ADAM8: variants seen among roughly 807,000 people sequenced by gnomAD.
ADAM8 encodes the protein ADAM metallopeptidase domain 8.
Under a neutral mutation model 102.4 loss-of-function variants are expected in ADAM8, and 104 were observed. The observed-to-expected ratio is 1.02, with a 90% CI of 0.87 to 1.20. The LOEUF is 1.20. ADAM8 is among the 50% of genes most tolerant of loss of function. The pLI is 0.00. For missense variants in ADAM8, 1,132 were observed against 1,159.0 expected (o/e 0.98, Z 0.34); for synonymous variants, 517 against 485.2 (o/e 1.07, Z -0.86).
chr10:133,274,905 T>C (rs530086719), intron 2 of ADAM8: 38 of 433,238 alleles, frequency 8.8e-5, no homozygotes, highest in African/African-American at 6.1e-4. Flanking sequence ...TGCCACCGGC[T>C]GGATGAGCCC....
At position 133,270,820 on chromosome 10, in the gene ADAM8, G is replaced by A; in HGVS notation, c.1565-15C>T. On this transcript the variant is annotated splice_polypyrimidine_tract_variant and intron_variant, in intron 14 of 22. Transcript: ENST00000445355. Reference sequence around the variant, plus strand: ...AGCCTGCCCACCTGTGGGACCAGAAGCGGGTTAGCCCTGGCAAGGCCTGCA... The same window carrying A: ...AGCCTGCCCACCTGTGGGACCAGAAACGGGTTAGCCCTGGCAAGGCCTGCA... The A allele has an allele frequency of 6.2e-7, 1 of 1,611,788 alleles. No individual in the cohort carries two copies. The highest frequency in any genetic ancestry group is 8.5e-7 in the Non-Finnish European group (1 of 1,179,416).
intron 2 of ADAM8, 108 bp from the exon 3 acceptor site, chr10:133,274,343 A>T: frequency 1.2e-6 from 1 of 861,436 alleles, no homozygotes; most frequent in Non-Finnish European, 1.6e-6. Flanking sequence ...GCCGGCCTCC[A>T]GCCCCAGGTC....
At chr10:133,267,238 A>G in intron 21 of ADAM8, 114 bp downstream of exon 21, 1 of 1,214,276 alleles carries the variant, frequency 8.2e-7, no homozygotes. Context: ...CCTTCTGTGT[A>G]CAGCAGGGGC....
intron 20 of ADAM8, 96 bp downstream of exon 20, chr10:133,267,833 G>T: frequency 8.6e-7 from 1 of 1,160,596 alleles, no homozygotes; most frequent in Non-Finnish European, 1.1e-6. Context: ...TGAATTTAAT[G>T]AAAGGGCTCT....
rs576260903 is a variant in ADAM8 at position 133,263,170 on chromosome 10, G to T, written c.2461C>A (p.Pro821Thr). 1 of 1,613,946 alleles carries T rather than the reference G, an allele frequency of 6.2e-7. No homozygotes were observed. The highest frequency in any genetic ancestry group is 8.5e-7 in the Non-Finnish European group (1 of 1,179,846). Residue 821 changes from proline to threonine, a missense_variant, in exon 23 of 23, where the codon CCC becomes ACC. Physicochemically the swap from Pro to Thr is conservative, Grantham distance 38. Coordinates refer to ENST00000445355, the MANE Select transcript of ADAM8 (RefSeq NM_001109.5). ...PIQRKQGAGAPTAP is the reference protein window; with the variant it reads ...PIQRKQGAGATTAP ...CAGGTGCCCCCCTAGGGTGCTGTGGGAGCTCCGGCTCCTTGCTTCCTCTGG... is the reference window on the plus strand; with the variant it reads ...CAGGTGCCCCCCTAGGGTGCTGTGGTAGCTCCGGCTCCTTGCTTCCTCTGG...
intron 19 of ADAM8, 110 bp downstream of exon 19, chr10:133,268,638 G>C: frequency 8.1e-7 from 1 of 1,227,018 alleles, no homozygotes; most frequent in Non-Finnish European, 1.1e-6. Context: ...GCACAGAGGA[G>C]CCTGGGTGTC....
At position 133,273,772 on chromosome 10, in the gene ADAM8, C is replaced by T. The variant is rs1846638206; in HGVS notation, c.373G>A (p.Ala125Thr). ...GTCCGCCACACCCACCTGAGGCCGG[C>T]ACAGGTGCTGAGGCTGGCGGCTGAG... The part of the protein sequence containing the change: ...PDSAASLSTC[A>T]GLRGFFQVGS... The change falls in exon 5 of 23, where the codon GCC (alanine) becomes ACC (threonine). Residue 125 changes from alanine to threonine, a missense_variant. Physicochemically the swap from Ala to Thr is moderately conservative, Grantham distance 58. Coordinates refer to ENST00000445355, the MANE Select transcript of ADAM8 (RefSeq NM_001109.5). The T allele has an allele frequency of 4.5e-6, 7 of 1,548,744 alleles. No homozygotes were observed. Among genetic ancestry groups the T allele is most frequent in the Non-Finnish European group, 6.1e-6 (7 of 1,146,820 alleles).
chr10:133,272,145 A>C, intron 10 of ADAM8, 48 bp downstream of exon 10: 1 of 1,536,424 alleles, frequency 6.5e-7, no homozygotes, highest in East Asian at 2.5e-5. Context: ...CCCCTCCCCT[A>C]TCCAGCTCTG....
chr10:133,263,194 G>T lies in ADAM8; in HGVS notation c.2437C>A (p.Gln813Lys). The T allele has an allele frequency of 6.2e-7, 1 of 1,613,398 alleles. No individual in the cohort carries two copies. Among genetic ancestry groups the T allele is most frequent in the Non-Finnish European group, 8.5e-7 (1 of 1,179,488 alleles). ...GGAGCTCCGGCTCCTTGCTTCCTCTGGATGGGGGGCTTCAGGGCAACCTTT... is the reference window on the plus strand; with the variant it reads ...GGAGCTCCGGCTCCTTGCTTCCTCTTGATGGGGGGCTTCAGGGCAACCTTT... ...GPKVALKPPI[Q>K]RKQGAGAPTA... The change falls in exon 23 of 23, where the codon CAG becomes AAG. Residue 813 changes from glutamine (Q) to lysine (K), a missense_variant. Coordinates refer to ENST00000445355, the MANE Select transcript of ADAM8 (RefSeq NM_001109.5).
At chr10:133,268,207 A>C in intron 19 of ADAM8, 89 bp from the exon 20 acceptor site, 1 of 1,147,854 alleles carries the variant, frequency 8.7e-7, no homozygotes, top group Non-Finnish European at 1.1e-6. Flanking sequence ...GCTCCAGCCG[A>C]CCCGAGAGGC....
rs374238350 is a variant in ADAM8, at chr10:133,270,402, C to T, written c.1743G>A (p.Ala581=). 1.2e-5 allele frequency: 19 copies of T among 1,598,508 alleles called. No individual in the cohort carries two copies. The East Asian group carries it at 2.0e-4, about 17-fold the overall frequency. ...GGGTGCCCTCGGGCACTGGTTCATA[C>T]GCAGTGCCATCCTCTGTGGTGAGCG... ...CHALTTEDGT[A]YEPVPEGTRC... is the part of the protein sequence containing the mutation. Residue 581 remains alanine, a synonymous_variant, in exon 16 of 23, where the codon GCG becomes GCA. Coordinates refer to ENST00000445355, the MANE Select transcript of ADAM8 (RefSeq NM_001109.5).
In ADAM8 at chr10:133,273,942, G is replaced by C. The variant is rs537427665; in HGVS notation, c.306+9C>G. ...ACCTGCCCGCCCAGCTGCTCCGCCC[G>C]ACCCATACCTGCCCGCGAGGCTGCT... On this transcript the variant is annotated intron_variant, in intron 4 of 22. Coordinates refer to ENST00000445355, the MANE Select transcript of ADAM8 (RefSeq NM_001109.5). 2 of 1,592,320 alleles carry C rather than the reference G, an allele frequency of 1.3e-6. No individual in the cohort carries two copies. The highest frequency in any genetic ancestry group is 1.7e-4 in the Middle Eastern group (1 of 5,980).
intron 18 of ADAM8, 125 bp downstream of exon 18, chr10:133,269,320 C>T: frequency 1.6e-6 from 2 of 1,262,962 alleles, no homozygotes; most frequent in Non-Finnish European, 2.1e-6. Context: ...TGTGTCGATG[C>T]CTGTGGCAGC....
chr10:133,269,186 C>G, intron 18 of ADAM8: 1 of 985,394 alleles, frequency 1.0e-6, no homozygotes, highest in Non-Finnish European at 1.2e-6. Flanking sequence ...CTGGAAGACA[C>G]AGGCTGAGGA....
Position 133,263,178 on chromosome 10 carries a change from G to A in ADAM8, c.2453C>T (p.Ala818Val). 1 of 1,613,834 alleles carries A rather than the reference G, an allele frequency of 6.2e-7. No individual in the cohort carries two copies. The highest frequency in any genetic ancestry group is 1.1e-5 in the South Asian group (1 of 91,062). The change falls in exon 23 of 23, where the codon GCC (alanine) becomes GTC (valine). Residue 818 changes from alanine to valine, a missense_variant. By Grantham distance (64) the Ala-to-Val change is moderately conservative. Coordinates refer to ENST00000445355, the MANE Select transcript of ADAM8 (RefSeq NM_001109.5). Reference sequence around the variant, plus strand: ...CCCCTAGGGTGCTGTGGGAGCTCCGGCTCCTTGCTTCCTCTGGATGGGGGG... The same window carrying A: ...CCCCTAGGGTGCTGTGGGAGCTCCGACTCCTTGCTTCCTCTGGATGGGGGG... ...LKPPIQRKQG[A>V]GAPTAP
Position 133,269,450 on chromosome 10 carries a change from T to A in ADAM8, c.1943A>T (p.His648Leu), listed in dbSNP as rs769854550. Residue 648 changes from histidine (H) to leucine (L), a missense_variant, in exon 18 of 23, where the codon CAC (histidine) becomes CTC (leucine). Physicochemically the swap from His to Leu is moderately conservative, Grantham distance 99. Coordinates refer to ENST00000445355, the MANE Select transcript of ADAM8 (RefSeq NM_001109.5). Reference protein sequence around the residue: ...PHCAKLLTEVHAASGSLPVFV... With the variant: ...PHCAKLLTEVLAASGSLPVFV... The stretch of plus-strand genomic sequence containing the variant: ...CGCTGGCCAGGGAGGCCTACCTGCG[T>A]GCACCTCAGTCAGCAGCTTCGCGCA... 15 of 1,593,750 alleles carry A rather than the reference T, an allele frequency of 9.4e-6. No homozygotes were observed. In the African/African-American group the frequency reaches 1.9e-4, roughly 20 times the overall value.
In ADAM8 at chr10:133,272,050, G is replaced by A. The variant is rs112848655; in HGVS notation, c.958-96C>T. 151 of 1,550,886 alleles carry A rather than the reference G, an allele frequency of 9.7e-5. 3 individuals carry two copies. In the African/African-American group the frequency reaches 1.4e-3, roughly 14 times the overall value. On this transcript the variant is annotated intron_variant, in intron 10 of 22. Transcript: ENST00000445355. ...GGCCCAGGACTTGGCACAGCTTCCC[G>A]CCAACACCACCTTAAAACATAAAAT...
intron 19 of ADAM8, 72 bp from the exon 20 acceptor site, chr10:133,268,190 C>A: frequency 8.3e-7 from 1 of 1,209,324 alleles, no homozygotes; most frequent in Non-Finnish European, 1.1e-6. Context: ...CGAGTCTCTC[C>A]CTCCCAGCTC....
chr10:133,273,866 C>T (rs1227347771), intron 4 of ADAM8, 28 bp from the exon 5 acceptor site: 1 of 1,549,934 alleles, frequency 6.5e-7, no homozygotes, highest in Non-Finnish European at 8.7e-7. Flanking sequence ...GAGGGGTCCA[C>T]AGGCTGTGCC....
Sources: allele counts gnomAD v4.1 joint callset, GRCh38; gene constraint gnomAD v4.1.1; transcripts MANE v1.5; gene names NCBI Gene and HGNC (gene_info 2026-07-23, HGNC 2026-07-21).